The following INVS variants were observed in gnomAD, a reference collection of about 807,000 sequenced individuals.
INVS encodes inversion of embryo turning homolog.
A neutral mutation model predicts 108.8 loss-of-function variants in INVS; 86 were observed. The ratio of observed to expected loss-of-function variants is 0.79; its 90% CI spans 0.66 to 0.95. The LOEUF (loss-of-function observed/expected upper bound fraction) is 0.95. Among genes scored for constraint, INVS ranks in the 40% least tolerant of loss-of-function variants. The pLI, the probability that INVS is intolerant of heterozygous loss-of-function variation, is 0.00. For missense variants in INVS, 1,169 were observed against 1,297.4 expected, an observed-to-expected ratio of 0.90 and a Z score of 1.52; for synonymous variants, 455 against 473.5, an observed-to-expected ratio of 0.96 and a Z score of 0.51.
intron 3 of INVS, among the ~76,000 whole-genome samples, chr9:100,189,521 T>C (rs1479670116): frequency 1.3e-5 from 2 of 152,200 alleles, no homozygotes; most frequent in African/African-American, 4.8e-5. Flanking sequence ...ATTGTTTAAT[T>C]TTCATTACTT....
chr9:100,197,071 C>CT (rs1830399197), intron 3 of INVS, among the ~76,000 whole-genome samples: 2 of 152,208 alleles, frequency 1.3e-5, no homozygotes, highest in East Asian at 3.8e-4. Context: ...AGATTGAAGT[C>CT]TCAGTGTCCA....
intron 3 of INVS, among the ~76,000 whole-genome samples, chr9:100,154,828 C>A (rs987472547): frequency 2.0e-5 from 3 of 152,098 alleles, no homozygotes; most frequent in Non-Finnish European, 4.4e-5. Flanking sequence ...ATGTAGAGGA[C>A]ACAGGGATCG....
At chr9:100,175,416 G>C in intron 3 of INVS, 2 of 900,682 alleles carry the variant, frequency 2.2e-6, no homozygotes, top group Admixed American at 1.8e-5. Flanking sequence ...CAAAGTCCTG[G>C]TCAAGAAACA....
chr9:100,225,065 T>G (rs982035709), intron 3 of INVS, among the ~76,000 whole-genome samples: 4 of 151,390 alleles, frequency 2.6e-5, no homozygotes, highest in African/African-American at 7.3e-5. Context: ...TTTTTTTGTT[T>G]TTTTTTTTTT....
chr9:100,154,329 TAA>T (rs1828898824), intron 3 of INVS, among the ~76,000 whole-genome samples: 1 of 133,390 alleles, frequency 7.5e-6, no homozygotes, highest in Non-Finnish European at 1.6e-5. Context: ...CACAACCGAC[TAA>T]TTTTTTTTTT....
rs143478662 is a variant in INVS, at chr9:100,212,199, AC to A, written c.274-13862del. Reference sequence around the variant, plus strand: ...TGAAATAAGAAAATTATCTAAGCATACAAGAAGGCATTCTCCTTTCTAATCC... The same window carrying A: ...TGAAATAAGAAAATTATCTAAGCATAAAGAAGGCATTCTCCTTTCTAATCC... On this transcript the variant is annotated intron_variant, in intron 3 of 16. Transcript: ENST00000262457. Among the ~76,000 whole-genome samples the A allele has an allele frequency of 3.3e-5, 5 of 152,360 alleles. No homozygotes were observed. The East Asian group carries it at 9.6e-4, about 29-fold the overall frequency.
At chr9:100,145,681 AAG>A in intron 3 of INVS, among the ~76,000 whole-genome samples, 1 of 152,236 alleles carries the variant, frequency 6.6e-6, no homozygotes. Context: ...GTGAAGGACC[AAG>A]GCAGGCGTCC....
chr9:100,133,549 G>A (rs1182623475), intron 3 of INVS, among the ~76,000 whole-genome samples: 1 of 152,016 alleles, frequency 6.6e-6, no homozygotes, highest in African/African-American at 2.4e-5. Context: ...AAAGACACAT[G>A]AGATGGTACA....
intron 5 of INVS, among the ~76,000 whole-genome samples, chr9:100,236,660 C>A (rs866980642): frequency 2.6e-5 from 4 of 152,094 alleles, no homozygotes; most frequent in Non-Finnish European, 4.4e-5. Context: ...CACTTCAGAC[C>A]CTGTTTGCGT....
chr9:100,161,372 A>ACAAAAAAAAC lies in INVS; in HGVS notation c.273+34823_273+34824insCAAAAAAAAC, dbSNP rs1357620784. On this transcript the variant is annotated intron_variant, in intron 3 of 16. Coordinates refer to ENST00000262457, the MANE Select transcript of INVS (RefSeq NM_014425.5). ...GAGCAAGACTTCCATCTCAAAAAAAAAAAAAAAAAAAAAAAAAAAACCTCA... is the reference window on the plus strand; with the variant it reads ...GAGCAAGACTTCCATCTCAAAAAAAACAAAAAAAACAAAAAAAAAAAAAAAAAAAACCTCA... Among the ~76,000 whole-genome samples, 31 of 149,110 alleles carry ACAAAAAAAAC rather than the reference A, an allele frequency of 2.1e-4. 1 individual carries two copies. The highest frequency in any genetic ancestry group is 7.5e-4 in the African/African-American group (30 of 40,128).
intron 10 of INVS, among the ~76,000 whole-genome samples, chr9:100,257,704 ATTCTT>A (rs1384774787): frequency 8.5e-5 from 13 of 152,306 alleles, no homozygotes; most frequent in African/African-American, 2.6e-4. Context: ...TGGTTTGACA[ATTCTT>A]TTCTTTAAGA....
chr9:100,285,097 A>G (rs73658711), intron 13 of INVS, among the ~76,000 whole-genome samples: 2,071 of 152,200 alleles, frequency 0.014, 34 homozygotes, highest in African/African-American at 0.048. Flanking sequence ...TCTATGGCCA[A>G]TCTTTAAGGG....
chr9:100,108,352 A>C (rs1439525041), intron 2 of INVS, among the ~76,000 whole-genome samples: 4 of 152,162 alleles, frequency 2.6e-5, no homozygotes, highest in African/African-American at 9.7e-5. Context: ...ACTTCTTATT[A>C]ATTACTGACT....
intron 3 of INVS, among the ~76,000 whole-genome samples, chr9:100,145,466 G>A (rs1045397409): frequency 4.6e-5 from 7 of 151,454 alleles, no homozygotes; most frequent in East Asian, 3.9e-4. Context: ...TTAAGGGATC[G>A]GGGCACAGAG....
intron 3 of INVS, among the ~76,000 whole-genome samples, chr9:100,137,087 G>A (rs1828252381): frequency 6.6e-6 from 1 of 152,158 alleles, no homozygotes; most frequent in Non-Finnish European, 1.5e-5. Context: ...CAGTAGGAAA[G>A]TTTGTTCAAT....
At chr9:100,153,512 T>C (rs1177263480) in intron 3 of INVS, among the ~76,000 whole-genome samples, 2 of 152,186 alleles carry the variant, frequency 1.3e-5, no homozygotes, top group Non-Finnish European at 2.9e-5. Context: ...TGTCTCAGAT[T>C]GGCAAAACTC....
At chr9:100,145,419 G>A (rs562082421) in intron 3 of INVS, among the ~76,000 whole-genome samples, 28 of 152,016 alleles carry the variant, frequency 1.8e-4, no homozygotes, top group African/African-American at 6.5e-4. Context: ...TGGAAATAAG[G>A]GATTGGGGTG....
At chr9:100,169,794 A>G (rs1195351307) in intron 3 of INVS, among the ~76,000 whole-genome samples, 1 of 152,174 alleles carries the variant, frequency 6.6e-6, no homozygotes, top group Non-Finnish European at 1.5e-5. Flanking sequence ...GTCCATTTCT[A>G]TAAACCCATG....
chr9:100,135,141 T>C (rs1166026379), intron 3 of INVS, among the ~76,000 whole-genome samples: 1 of 152,192 alleles, frequency 6.6e-6, no homozygotes, highest in Non-Finnish European at 1.5e-5. Flanking sequence ...TTACTGTATA[T>C]GTTATATTCT....
Sources: allele counts gnomAD v4.1 joint callset (sites outside exome capture counted in the v4.1 genomes callset), GRCh38; gene constraint gnomAD v4.1.1; transcripts MANE v1.5; gene names NCBI Gene and HGNC (gene_info 2026-07-23, HGNC 2026-07-21).